The following CDH7 variants were observed in gnomAD, a reference collection of about 807,000 sequenced individuals.
CDH7 encodes the protein cadherin 7.
A neutral mutation model predicts 71.8 loss-of-function variants in CDH7; 25 were observed. That is an observed-to-expected ratio of 0.35 (90% CI 0.25 to 0.49). The LOEUF (loss-of-function observed/expected upper bound fraction) is 0.49, where lower values mean the gene tolerates loss of function less well. Ranked by LOEUF, CDH7 falls within the 20% of genes least tolerant of loss-of-function variation. The pLI, the probability that CDH7 is intolerant of heterozygous loss-of-function variation, is 0.99. For missense variants in CDH7, 862 were observed against 974.6 expected, an observed-to-expected ratio of 0.88 and a Z score of 1.54; for synonymous variants, 381 against 363.8, an observed-to-expected ratio of 1.05 and a Z score of -0.54.
intron 2 of CDH7, among the ~76,000 whole-genome samples, chr18:65,798,633 C>T (rs1911003145): frequency 6.6e-6 from 1 of 152,144 alleles, no homozygotes; most frequent in Non-Finnish European, 1.5e-5. Flanking sequence ...AGCAAAGCAG[C>T]CTAGGACTTG....
intron 11 of CDH7, among the ~76,000 whole-genome samples, chr18:65,866,671 C>A (rs1913772218): frequency 6.6e-6 from 1 of 152,156 alleles, no homozygotes; most frequent in South Asian, 2.1e-4. Context: ...TTAAACTGCA[C>A]AAGAAGTACA....
intron 7 of CDH7, among the ~76,000 whole-genome samples, chr18:65,847,843 T>C (rs1224560013): frequency 1.3e-5 from 2 of 152,166 alleles, no homozygotes; most frequent in Non-Finnish European, 2.9e-5. Flanking sequence ...CACCATTTCA[T>C]GTACACTGTA....
intron 2 of CDH7, among the ~76,000 whole-genome samples, chr18:65,763,942 T>G (rs142340184): frequency 6.3e-4 from 96 of 152,216 alleles, no homozygotes; most frequent in African/African-American, 2.2e-3. Context: ...AAAGGCCTAC[T>G]GAATTTCTCA....
intron 2 of CDH7, among the ~76,000 whole-genome samples, chr18:65,770,758 G>C (rs983574101): frequency 2.6e-5 from 4 of 152,126 alleles, no homozygotes; most frequent in Non-Finnish European, 5.9e-5. Context: ...AGTCTACATT[G>C]AATAATTATC....
At chr18:65,751,894 T>G (rs1344617663) in intron 1 of CDH7, among the ~76,000 whole-genome samples, 2 of 152,338 alleles carry the variant, frequency 1.3e-5, no homozygotes, top group South Asian at 2.1e-4. Flanking sequence ...CCCGTTATTC[T>G]GTACCGCTTC....
chr18:65,805,943 C>T (rs781405273), intron 2 of CDH7, among the ~76,000 whole-genome samples: 4 of 151,784 alleles, frequency 2.6e-5, no homozygotes, highest in Non-Finnish European at 4.4e-5. Context: ...TTGCAATAGC[C>T]CAAGTGAAAG....
intron 10 of CDH7, among the ~76,000 whole-genome samples, chr18:65,860,201 A>G (rs1181308360): frequency 1.3e-5 from 2 of 152,186 alleles, no homozygotes. Flanking sequence ...AGAACTGGAC[A>G]TTACACATTT....
intron 11 of CDH7, among the ~76,000 whole-genome samples, chr18:65,878,002 A>G (rs1333925696): frequency 6.6e-6 from 1 of 152,180 alleles, no homozygotes; most frequent in Non-Finnish European, 1.5e-5. Flanking sequence ...ACAGACTGAG[A>G]TGGAGTATGC....
At chr18:65,817,661 C>T (rs1252331226) in intron 4 of CDH7, among the ~76,000 whole-genome samples, 11 of 152,176 alleles carry the variant, frequency 7.2e-5, no homozygotes, top group Non-Finnish European at 4.4e-5. Context: ...AAATAGGTTC[C>T]CCCTCCCAAG....
rs1239000535 is a variant in CDH7, at chr18:65,843,843, C to T, written c.1013C>T (p.Thr338Met). 13 of 1,558,898 alleles carry T rather than the reference C, an allele frequency of 8.3e-6. No individual in the cohort carries two copies. The highest frequency in any genetic ancestry group is 1.9e-5 in the Admixed American group (1 of 52,428). ...ELDFEAKTSYTLRIEAANKDA... is the reference protein window; with the variant it reads ...ELDFEAKTSYMLRIEAANKDA... ...GATTTTGAAGCCAAAACAAGTTACA[C>T]GCTACGGATAGAAGCTGCAAATAAA... Residue 338 changes from threonine (T) to methionine (M), a missense_variant, in exon 7 of 12, where the codon ACG (threonine) becomes ATG (methionine). Transcript: ENST00000397968.
At chr18:65,859,889 C>G (rs1599057772) in intron 10 of CDH7, 64 bp downstream of exon 10, 1 of 978,660 alleles carries the variant, frequency 1.0e-6, no homozygotes, top group Admixed American at 1.7e-5. Flanking sequence ...AAGTATTTTT[C>G]TCCCCAGGAA....
At chr18:65,835,053 G>T (rs909871558) in intron 6 of CDH7, among the ~76,000 whole-genome samples, 2 of 152,128 alleles carry the variant, frequency 1.3e-5, no homozygotes, top group African/African-American at 4.8e-5. Context: ...TCAGCATGGT[G>T]GCTCTGCCTC....
intron 11 of CDH7, chr18:65,865,245 TAG>T (rs1315286234): frequency 6.6e-6 from 1 of 152,150 alleles, no homozygotes; most frequent in African/African-American, 2.4e-5. Context: ...GTAACTGAAA[TAG>T]AGTTTTATTA....
In CDH7 at chr18:65,885,145, A is replaced by G. The variant is rs1914335292; in HGVS notation, c.*4251A>G. The G allele has an allele frequency of 6.6e-6, 1 of 152,060 alleles. No homozygotes were observed. The highest frequency in any genetic ancestry group is 2.1e-4 in the South Asian group (1 of 4,832). 9.4% of individuals were successfully genotyped at this position (152,060 alleles called of 1,614,324 possible). On this transcript the variant is annotated 3_prime_UTR_variant, in exon 12 of 12. Coordinates refer to ENST00000397968, the MANE Select transcript of CDH7 (RefSeq NM_004361.5). ...TAAAGAACAAGAAAGGAATAATAGC[A>G]TTTGCATTTTAAATGTAATTGAAAC...
intron 2 of CDH7, among the ~76,000 whole-genome samples, chr18:65,765,919 C>T (rs12953426): frequency 0.39 from 59,362 of 151,278 alleles, 12,681 homozygotes; most frequent in African/African-American, 0.57. Context: ...TCAATAAATC[C>T]GATTAGTCTT....
At chr18:65,800,373 C>T (rs535081761) in intron 2 of CDH7, among the ~76,000 whole-genome samples, 1 of 152,242 alleles carries the variant, frequency 6.6e-6, no homozygotes, top group African/African-American at 2.4e-5. Flanking sequence ...GCCACAGTGG[C>T]CAGCCAACTC....
chr18:65,752,692 T>TA (rs1412825759), intron 1 of CDH7, among the ~76,000 whole-genome samples: 2 of 152,164 alleles, frequency 1.3e-5, no homozygotes, highest in Non-Finnish European at 2.9e-5. Flanking sequence ...GCTTCTGTGT[T>TA]AGTGTTTAAT....
Position 65,809,849 on chromosome 18 carries a change from C to T in CDH7, c.356C>T (p.Thr119Met), listed in dbSNP as rs767552929. The T allele has an allele frequency of 1.7e-5, 27 of 1,613,800 alleles. No homozygotes were observed. Among genetic ancestry groups the T allele is most frequent in the Admixed American group, 5.0e-5 (3 of 59,974 alleles). Residue 119 changes from threonine (T) to methionine (M), a missense_variant, in exon 3 of 12, where the codon ACG (threonine) becomes ATG (methionine). By Grantham distance (81) the Thr-to-Met change is moderately conservative. Transcript: ENST00000397968. The part of the protein sequence containing the change: ...RLDREEQAYY[T>M]LRAQALDRLT... ...GATCGTGAGGAGCAGGCCTACTACA[C>T]GCTCCGAGCTCAAGCGCTGGATAGG...
chr18:65,888,336 A>G lies in CDH7; in HGVS notation c.*7442A>G, dbSNP rs891867771. The G allele has an allele frequency of 6.6e-6, 1 of 152,174 alleles. No individual in the cohort carries two copies. The highest frequency in any genetic ancestry group is 2.4e-5 in the African/African-American group (1 of 41,440). The allele number at this position is 152,174 out of a possible 1,614,324, so 9.4% of individuals were successfully genotyped here. On this transcript the variant is annotated 3_prime_UTR_variant, in exon 12 of 12. Transcript: ENST00000397968. ...TTATTGTGTGTTTTGCTGTATTTTT[A>G]AAAAATAAGAAAAAATTATCACAGA... is the stretch of plus-strand genomic sequence containing the variant.
Sources: allele counts gnomAD v4.1 joint callset (sites outside exome capture counted in the v4.1 genomes callset), GRCh38; gene constraint gnomAD v4.1.1; transcripts MANE v1.5; gene names NCBI Gene and HGNC (gene_info 2026-07-23, HGNC 2026-07-21).